CNOT2: variants seen among roughly 807,000 people sequenced by gnomAD.
The protein encoded by CNOT2 is CC chemokine receptor 4-negative regulator of transcription 2.
In CNOT2, 7 loss-of-function variants were observed where a neutral mutation model predicts 72.1. The observed-to-expected ratio is 0.10, with a 90% confidence interval of 0.06 to 0.18. The LOEUF (loss-of-function observed/expected upper bound fraction) is 0.18, where lower values mean the gene tolerates loss of function less well. Among genes scored for constraint, CNOT2 ranks in the 10% least tolerant of loss-of-function variants. CNOT2 has a pLI of 1.00. For missense variants in CNOT2, 345 were observed against 660.3 expected (o/e 0.52, Z 5.23); for synonymous variants, 196 against 225.6 (o/e 0.87, Z 1.17).
At chr12:70,262,505 G>GA (rs1022650275) in intron 1 of CNOT2, among the ~76,000 whole-genome samples, 58 of 152,278 alleles carry the variant, frequency 3.8e-4, no homozygotes, top group African/African-American at 1.3e-3. Flanking sequence ...TCGATCTCCT[G>GA]ACCTCGTGAT....
intron 2 of CNOT2, among the ~76,000 whole-genome samples, chr12:70,292,887 C>G (rs1216907585): frequency 6.6e-6 from 1 of 152,158 alleles, no homozygotes; most frequent in Admixed American, 6.5e-5. Context: ...AAGATCATGT[C>G]TTCCCTTGCT....
intron 9 of CNOT2, chr12:70,337,821 G>A (rs1880903717): frequency 2.2e-6 from 1 of 463,474 alleles, no homozygotes; most frequent in African/African-American, 2.0e-5. Context: ...TTTTTCTTGA[G>A]TAAGTTTTCT....
chr12:70,250,975 A>T (rs1156354744), intron 1 of CNOT2, among the ~76,000 whole-genome samples: 1 of 152,100 alleles, frequency 6.6e-6, no homozygotes, highest in East Asian at 1.9e-4. Flanking sequence ...GGTGCCTTGA[A>T]ATTGTTTTCT....
At chr12:70,303,706 C>G (rs979958094) in intron 2 of CNOT2, among the ~76,000 whole-genome samples, 3 of 152,126 alleles carry the variant, frequency 2.0e-5, no homozygotes, top group African/African-American at 7.2e-5. Context: ...TGGCGTTGCT[C>G]TTCTCGAGGA....
intron 2 of CNOT2, among the ~76,000 whole-genome samples, chr12:70,296,472 T>C (rs1220719340): frequency 2.0e-5 from 3 of 152,174 alleles, no homozygotes; most frequent in Non-Finnish European, 4.4e-5. Flanking sequence ...CTCTTATTTG[T>C]TTCCATGCTA....
intron 2 of CNOT2, among the ~76,000 whole-genome samples, chr12:70,289,677 T>G (rs1871532742): frequency 6.6e-6 from 1 of 152,170 alleles, no homozygotes; most frequent in Admixed American, 6.5e-5. Context: ...TATTACTGTT[T>G]TTTTAAGTTT....
intron 15 of CNOT2, among the ~76,000 whole-genome samples, chr12:70,351,767 A>G (rs1449137247): frequency 6.6e-6 from 1 of 152,202 alleles, no homozygotes; most frequent in Non-Finnish European, 1.5e-5. Flanking sequence ...GAATGATAAC[A>G]AATTTTCTTC....
At chr12:70,311,759 T>C (rs1876503540) in intron 3 of CNOT2, among the ~76,000 whole-genome samples, 1 of 151,872 alleles carries the variant, frequency 6.6e-6, no homozygotes, top group African/African-American at 2.4e-5. Flanking sequence ...CCTGCCCAGC[T>C]TTTTTTACCT....
chr12:70,253,347 C>T (rs1449225736), intron 1 of CNOT2, among the ~76,000 whole-genome samples: 1 of 151,948 alleles, frequency 6.6e-6, no homozygotes, highest in Non-Finnish European at 1.5e-5. Flanking sequence ...TAAATATGAC[C>T]CTGTAAAACT....
At chr12:70,284,419 A>G (rs1189493712) in intron 2 of CNOT2, among the ~76,000 whole-genome samples, 1 of 149,652 alleles carries the variant, frequency 6.7e-6, no homozygotes, top group Non-Finnish European at 1.5e-5. Flanking sequence ...TAATTTTTGT[A>G]TTTTTCGGTA....
chr12:70,257,656 C>T (rs529811575), intron 1 of CNOT2, among the ~76,000 whole-genome samples: 5 of 151,640 alleles, frequency 3.3e-5, no homozygotes, highest in Admixed American at 6.6e-5. Flanking sequence ...TGTGAGCCAC[C>T]GCGCCCGGCC....
intron 2 of CNOT2, among the ~76,000 whole-genome samples, chr12:70,294,727 G>C (rs1327368249): frequency 6.6e-6 from 1 of 152,102 alleles, no homozygotes; most frequent in African/African-American, 2.4e-5. Flanking sequence ...CTTTAGATGT[G>C]CTATTTTTTC....
chr12:70,352,066 A>G (rs1343400497), intron 15 of CNOT2, among the ~76,000 whole-genome samples: 1 of 152,142 alleles, frequency 6.6e-6, no homozygotes, highest in Non-Finnish European at 1.5e-5. Flanking sequence ...CCTTATACCA[A>G]GAGAGAAGGG....
At chr12:70,351,509 A>G (rs373006501) in intron 15 of CNOT2, among the ~76,000 whole-genome samples, 4 of 152,306 alleles carry the variant, frequency 2.6e-5, no homozygotes, top group African/African-American at 9.6e-5. Flanking sequence ...CTCTATATCA[A>G]AATTTCTAAA....
chr12:70,280,288 A>G (rs977161667), intron 2 of CNOT2, among the ~76,000 whole-genome samples: 6 of 152,176 alleles, frequency 3.9e-5, no homozygotes, highest in Non-Finnish European at 5.9e-5. Context: ...ATTTAGCATC[A>G]CTAAGTAAAA....
intron 4 of CNOT2, among the ~76,000 whole-genome samples, chr12:70,325,276 A>G (rs1045992308): frequency 6.6e-6 from 1 of 151,862 alleles, no homozygotes. Context: ...CAGAATTTTA[A>G]TACTCTAGAA....
At chr12:70,271,405 G>C (rs7134257) in intron 1 of CNOT2, among the ~76,000 whole-genome samples, 2,198 of 144,022 alleles carry the variant, frequency 0.015, 57 homozygotes, top group African/African-American at 0.055. Context: ...TTTGAGACAG[G>C]GTTTCTTGCC....
At chr12:70,303,355 C>T (rs1345386699) in intron 2 of CNOT2, among the ~76,000 whole-genome samples, 5 of 152,122 alleles carry the variant, frequency 3.3e-5, no homozygotes, top group South Asian at 2.1e-4. Flanking sequence ...TGGCTGGTAC[C>T]GGTTGTTCCT....
At chr12:70,269,348 C>T (rs1044118813) in intron 1 of CNOT2, among the ~76,000 whole-genome samples, 1 of 149,522 alleles carries the variant, frequency 6.7e-6, no homozygotes, top group Admixed American at 6.7e-5. Context: ...CAACCTTGTT[C>T]ATGCTGTGAT....
Sources: allele counts gnomAD v4.1 joint callset (sites outside exome capture counted in the v4.1 genomes callset), GRCh38; gene constraint gnomAD v4.1.1; transcripts MANE v1.5; gene names NCBI Gene and HGNC (gene_info 2026-07-23, HGNC 2026-07-21).